The following RUBCN variants were observed in gnomAD, a reference collection of about 807,000 sequenced individuals.
RUBCN encodes the protein run domain Beclin-1-interacting and cysteine-rich domain-containing protein.
A neutral mutation model predicts 113.2 loss-of-function variants in RUBCN; 74 were observed. The ratio of observed to expected loss-of-function variants is 0.65; its 90% CI spans 0.54 to 0.79. The LOEUF is 0.79. RUBCN is among the 30% of genes least tolerant of loss of function. RUBCN has a pLI of 0.00. For missense variants in RUBCN, 1,109 were observed against 1,251.7 expected (o/e 0.89, Z 1.72); for synonymous variants, 480 against 490.0 (o/e 0.98, Z 0.27).
chr3:197,678,228 C>T (rs192817086), intron 16 of RUBCN, among the ~76,000 whole-genome samples: 8 of 151,350 alleles, frequency 5.3e-5, no homozygotes, highest in East Asian at 3.9e-4. Flanking sequence ...TGCTCTAACT[C>T]GATACCTGGC....
intron 1 of RUBCN, among the ~76,000 whole-genome samples, chr3:197,742,366 G>A (rs80150910): frequency 0.042 from 6,342 of 151,936 alleles, 480 homozygotes; most frequent in African/African-American, 0.15. Flanking sequence ...GGTGGCGGAC[G>A]CCTGTAATCC....
At chr3:197,726,131 C>G (rs1375764570) in intron 1 of RUBCN, among the ~76,000 whole-genome samples, 2 of 152,330 alleles carry the variant, frequency 1.3e-5, no homozygotes, top group Admixed American at 1.3e-4. Context: ...TGTCGCTATA[C>G]CATTCCTTCT....
chr3:197,745,115 T>C (rs538471731), intron 1 of RUBCN, among the ~76,000 whole-genome samples: 27 of 151,532 alleles, frequency 1.8e-4, no homozygotes, highest in African/African-American at 6.5e-4. Context: ...TGAAACCCCA[T>C]CTCTATTAAA....
rs1383531708 is a variant in RUBCN at position 197,674,913 on chromosome 3, A to T, written c.*105T>A. 2 of 960,432 alleles carry T rather than the reference A, an allele frequency of 2.1e-6. No individual in the cohort carries two copies. The highest frequency in any genetic ancestry group is 2.9e-6 in the Non-Finnish European group (2 of 682,254). The allele number at this position is 960,432 out of a possible 1,614,324, so 59.5% of individuals were successfully genotyped here. ...AAAAAAAAGATGATGATAATTAAAA[A>T]AAAAAAAAAAAAAAGAAGCCCCAGG... On this transcript the variant is annotated 3_prime_UTR_variant, in exon 20 of 20. Coordinates refer to ENST00000296343, the MANE Select transcript of RUBCN (RefSeq NM_014687.4).
rs944559176 is a variant in RUBCN, at chr3:197,670,963, T to C, written c.*4055A>G. Among the ~76,000 whole-genome samples, 3 of 151,742 alleles carry C rather than the reference T, an allele frequency of 2.0e-5. No homozygotes were observed. Among genetic ancestry groups the C allele is most frequent in the Admixed American group, 6.6e-5 (1 of 15,224 alleles). On this transcript the variant is annotated 3_prime_UTR_variant, in exon 20 of 20. Coordinates refer to ENST00000296343, the MANE Select transcript of RUBCN (RefSeq NM_014687.4). ...ACTTGGTGAGCACTAAGAGGGGAGG[T>C]AGAGGTGGTCACAATCCCGCCCCTC...
rs1172431631 is a variant in RUBCN, at chr3:197,693,759, G to C, written c.1742C>G (p.Ser581Cys). ...AACCTCATCAGCAGAGCCAGAGTCAGAGAGCTGTGCCGAATCACGTGAGCT... is the reference window on the plus strand; with the variant it reads ...AACCTCATCAGCAGAGCCAGAGTCACAGAGCTGTGCCGAATCACGTGAGCT... ...QFSSRDSAQLSDSGSADEVDE... is the reference protein window; with the variant it reads ...QFSSRDSAQLCDSGSADEVDE... The change falls in exon 11 of 20, where the codon TCT (serine) becomes TGT (cysteine). Residue 581 changes from serine (S) to cysteine (C), a missense_variant. Ser to Cys is a moderately radical substitution (Grantham distance 112). Coordinates refer to ENST00000296343, the MANE Select transcript of RUBCN (RefSeq NM_014687.4). 3.7e-6 allele frequency: 6 copies of C among 1,613,962 alleles called. No individual in the cohort carries two copies. Among genetic ancestry groups the C allele is most frequent in the African/African-American group, 1.3e-5 (1 of 74,944 alleles).
rs1035439551 is a variant in RUBCN at position 197,672,081 on chromosome 3, C to G, written c.*2937G>C. On this transcript the variant is annotated 3_prime_UTR_variant, in exon 20 of 20. Coordinates refer to ENST00000296343, the MANE Select transcript of RUBCN (RefSeq NM_014687.4). Reference sequence around the variant, plus strand: ...CAGCAGGTGGAAACGCAGTTCAGAGCACGGGCGGCACACACGGAACATCTC... The same window carrying G: ...CAGCAGGTGGAAACGCAGTTCAGAGGACGGGCGGCACACACGGAACATCTC... 2 of 152,220 alleles carry G rather than the reference C, an allele frequency of 1.3e-5. No homozygotes were observed. Among genetic ancestry groups the G allele is most frequent in the Non-Finnish European group, 2.9e-5 (2 of 68,052 alleles). The allele number at this position is 152,220 out of a possible 1,614,324, so 9.4% of individuals were successfully genotyped here. A position where few individuals can be genotyped will look rare whatever the true frequency, so the allele number is the denominator to read the frequency against.
chr3:197,702,068 ATCCTTCCAGGTGTTAAACCAGGAGTACT>A (rs1723741615), intron 5 of RUBCN, among the ~76,000 whole-genome samples: 2 of 152,220 alleles, frequency 1.3e-5, no homozygotes, highest in African/African-American at 4.8e-5. Context: ...CTGCACTGGA[ATCCTTCCAGGTGTTAAACCAGGAGTACT>A]TTATTACAGA....
chr3:197,680,581 G>C (rs1413473850), intron 16 of RUBCN, among the ~76,000 whole-genome samples: 2 of 152,218 alleles, frequency 1.3e-5, no homozygotes, highest in Non-Finnish European at 2.9e-5. Context: ...ACTGGCTTCA[G>C]ACTGTCCTAT....
At chr3:197,734,625 C>T (rs1002888523) in intron 1 of RUBCN, among the ~76,000 whole-genome samples, 79 of 152,252 alleles carry the variant, frequency 5.2e-4, no homozygotes, top group African/African-American at 1.9e-3. Context: ...TACCTTAAAA[C>T]AATTCCTGGC....
chr3:197,741,033 C>T (rs2172045), upstream of RUBCN, among the ~76,000 whole-genome samples: 139,057 of 152,282 alleles, frequency 0.91, 63,521 homozygotes, highest in East Asian at 1. Flanking sequence ...CATTAATTGG[C>T]GAAGTAGAGG....
chr3:197,676,507 T>G, intron 18 of RUBCN: 2 of 742,080 alleles, frequency 2.7e-6, no homozygotes, highest in East Asian at 7.8e-5. Context: ...GAGATGGGGT[T>G]TCATCATGTT....
At chr3:197,749,544 G>A (rs1728914364) in exon 1 of RUBCN, 2 of 1,291,132 alleles carry the variant, frequency 1.5e-6, no homozygotes, top group African/African-American at 1.5e-5. Flanking sequence ...GCTGCGTTGC[G>A]GTGGGCGCGA....
chr3:197,704,722 A>C, intron 3 of RUBCN, 21 bp from the exon 4 acceptor site: 1 of 1,612,798 alleles, frequency 6.2e-7, no homozygotes, highest in Non-Finnish European at 8.5e-7. Flanking sequence ...AAGGGGCATG[A>C]GTCAAAACAC....
chr3:197,740,783 G>A (rs962458857), upstream of RUBCN, among the ~76,000 whole-genome samples: 8 of 151,894 alleles, frequency 5.3e-5, no homozygotes, highest in African/African-American at 1.9e-4. Context: ...ACCACGCCCA[G>A]TTAGTTTTTA....
intron 7 of RUBCN, among the ~76,000 whole-genome samples, chr3:197,698,785 G>A (rs1222732553): frequency 7.4e-6 from 1 of 134,462 alleles, no homozygotes; most frequent in African/African-American, 2.8e-5. Flanking sequence ...TTGAAGCCAG[G>A]AGTTCAAGAC....
exon 1 of RUBCN, chr3:197,749,583 A>G: frequency 7.9e-7 from 1 of 1,271,478 alleles, no homozygotes; most frequent in Non-Finnish European, 1.0e-6. Flanking sequence ...AGTATAGGGG[A>G]CCTGTCTGCA....
At chr3:197,694,005 C>T (rs1722717315) in intron 10 of RUBCN, 189 bp from the exon 11 acceptor site, 1 of 586,214 alleles carries the variant, frequency 1.7e-6, no homozygotes, top group Non-Finnish European at 3.0e-6. Context: ...GTTCTTAGGT[C>T]TCCTCATATC....
At chr3:197,686,467 G>A (rs764352981) in intron 11 of RUBCN, among the ~76,000 whole-genome samples, 1 of 152,190 alleles carries the variant, frequency 6.6e-6, no homozygotes, top group Non-Finnish European at 1.5e-5. Context: ...AAGCACACTC[G>A]TCAAAGGGGC....
Sources: allele counts gnomAD v4.1 joint callset (sites outside exome capture counted in the v4.1 genomes callset), GRCh38; gene constraint gnomAD v4.1.1; transcripts MANE v1.5; gene names NCBI Gene and HGNC (gene_info 2026-07-23, HGNC 2026-07-21).